The following MACROD2 variants were observed in gnomAD, a reference collection of about 807,000 sequenced individuals.
MACROD2 encodes ADP-ribose glycohydrolase MACROD2.
In MACROD2, 36 loss-of-function variants were observed where a neutral mutation model predicts 70.4. That is an observed-to-expected ratio of 0.51 (90% CI 0.39 to 0.68). MACROD2 has a LOEUF of 0.68. Among genes scored for constraint, MACROD2 ranks in the 30% least tolerant of loss-of-function variants. The pLI is 0.00. For missense variants in MACROD2, 496 were observed against 538.4 expected (o/e 0.92, Z 0.78); for synonymous variants, 172 against 178.8 (o/e 0.96, Z 0.30).
At chr20:14,684,658 C>CCT (rs2070979544) in intron 4 of MACROD2, among the ~76,000 whole-genome samples, 185 bp from the exon 5 acceptor site, 2 of 146,996 alleles carry the variant, frequency 1.4e-5, no homozygotes, top group African/African-American at 5.0e-5. Flanking sequence ...ACCCCCCCCC[C>CCT]CCGGCCCCCG....
chr20:14,472,896 CTG>C (rs979908257), intron 3 of MACROD2, among the ~76,000 whole-genome samples: 10 of 151,844 alleles, frequency 6.6e-5, no homozygotes, highest in African/African-American at 2.4e-4. Context: ...GAGTGTGGGA[CTG>C]TGTGTGTGGT....
chr20:14,323,108 GTCC>G (rs2082681051), intron 3 of MACROD2: 1 of 152,142 alleles, frequency 6.6e-6, no homozygotes, highest in Non-Finnish European at 1.5e-5. Flanking sequence ...CCAGCTGGGT[GTCC>G]TCCAATTCAG....
At chr20:14,292,273 G>T (rs553977875) in intron 3 of MACROD2, among the ~76,000 whole-genome samples, 2 of 151,890 alleles carry the variant, frequency 1.3e-5, no homozygotes, top group South Asian at 4.1e-4. Context: ...CTCACCTGGG[G>T]GTAATTTTGT....
chr20:14,333,934 A>G (rs990683753), intron 3 of MACROD2, among the ~76,000 whole-genome samples: 7 of 152,318 alleles, frequency 4.6e-5, no homozygotes, highest in Admixed American at 2.6e-4. Flanking sequence ...TTGCCTCGGT[A>G]ACTTGTGCAC....
intron 7 of MACROD2, among the ~76,000 whole-genome samples, chr20:15,454,725 T>A (rs1440916367): frequency 6.7e-5 from 4 of 60,128 alleles, no homozygotes; most frequent in African/African-American, 2.3e-4. Context: ...ATCTCTTTTT[T>A]ATAAGCTTAA....
At chr20:15,591,152 G>A (rs562164588) in intron 8 of MACROD2, among the ~76,000 whole-genome samples, 12 of 152,144 alleles carry the variant, frequency 7.9e-5, no homozygotes, top group Non-Finnish European at 1.5e-4. Context: ...GGATTTGAGC[G>A]GTACCTTTCT....
intron 4 of MACROD2, among the ~76,000 whole-genome samples, chr20:14,525,323 A>G (rs2085218949): frequency 2.0e-5 from 3 of 152,240 alleles, no homozygotes. Flanking sequence ...ATTTGAATAC[A>G]TTCAATTCCA....
chr20:15,477,032 A>G (rs897510014), intron 7 of MACROD2, among the ~76,000 whole-genome samples: 1 of 149,544 alleles, frequency 6.7e-6, no homozygotes, highest in Non-Finnish European at 1.5e-5. Flanking sequence ...GCTTGGACTG[A>G]TCTCCACTGT....
intron 12 of MACROD2, among the ~76,000 whole-genome samples, chr20:15,953,960 C>T (rs1447690036): frequency 2.0e-5 from 3 of 152,018 alleles, no homozygotes; most frequent in Non-Finnish European, 2.9e-5. Context: ...TGGCAGAAAA[C>T]TAATTATATT....
At chr20:14,580,450 A>G (rs1275209436) in intron 4 of MACROD2, among the ~76,000 whole-genome samples, 1 of 152,204 alleles carries the variant, frequency 6.6e-6, no homozygotes, top group African/African-American at 2.4e-5. Flanking sequence ...TGAAAAAAAA[A>G]AAATCAAAAG....
At chr20:15,885,930 C>A (rs1456619019) in intron 10 of MACROD2, 119 bp downstream of exon 10, 4 of 1,131,082 alleles carry the variant, frequency 3.5e-6, no homozygotes, top group Non-Finnish European at 4.8e-6. Context: ...AATATATGCT[C>A]AGTGTTATAA....
chr20:15,600,788 A>G (rs555560150), intron 8 of MACROD2, among the ~76,000 whole-genome samples: 1 of 152,372 alleles, frequency 6.6e-6, no homozygotes, highest in Admixed American at 6.5e-5. Flanking sequence ...CTGCAGAAAA[A>G]AAATGCAGTG....
At chr20:15,618,028 G>A (rs462908) in intron 8 of MACROD2, among the ~76,000 whole-genome samples, 9,326 of 151,868 alleles carry the variant, frequency 0.061, 541 homozygotes, top group African/African-American at 0.14. Flanking sequence ...AGATCGAGAT[G>A]GGGGGTTTTT....
chr20:15,560,197 A>G (rs978404509), intron 8 of MACROD2, among the ~76,000 whole-genome samples: 5 of 152,162 alleles, frequency 3.3e-5, no homozygotes, highest in Admixed American at 1.3e-4. Context: ...TGAAAGTAAG[A>G]GACATTGTGT....
intron 8 of MACROD2, among the ~76,000 whole-genome samples, chr20:15,518,045 C>T (rs975916298): frequency 6.6e-6 from 1 of 152,226 alleles, no homozygotes; most frequent in African/African-American, 2.4e-5. Context: ...AGGCATCTGC[C>T]ATAAAGCTAG....
intron 7 of MACROD2, among the ~76,000 whole-genome samples, chr20:15,461,002 A>ATTTTTTTTT (rs199589127): frequency 2.0e-5 from 1 of 50,258 alleles, no homozygotes; most frequent in Non-Finnish European, 4.0e-5. Flanking sequence ...ATATATATAT[A>ATTTTTTTTT]TATATTTTTT....
chr20:15,082,321 T>G (rs893807158), intron 5 of MACROD2, among the ~76,000 whole-genome samples: 3 of 152,070 alleles, frequency 2.0e-5, no homozygotes, highest in Admixed American at 2.0e-4. Flanking sequence ...ACAAAAACTT[T>G]TATATGGTCA....
intron 8 of MACROD2, among the ~76,000 whole-genome samples, chr20:15,833,138 T>C (rs2064076191): frequency 6.6e-6 from 1 of 152,178 alleles, no homozygotes; most frequent in Non-Finnish European, 1.5e-5. Context: ...GAAAGTGAGG[T>C]ACATTTACTT....
At chr20:15,892,596 C>T (rs1021099968) in intron 10 of MACROD2, among the ~76,000 whole-genome samples, 4 of 152,150 alleles carry the variant, frequency 2.6e-5, no homozygotes, top group South Asian at 2.1e-4. Context: ...AGATTGAAAT[C>T]GAACACTCTT....
Sources: allele counts gnomAD v4.1 joint callset (sites outside exome capture counted in the v4.1 genomes callset), GRCh38; gene constraint gnomAD v4.1.1; transcripts MANE v1.5; gene names NCBI Gene and HGNC (gene_info 2026-07-23, HGNC 2026-07-21).